The following TRIP4 variants were observed in gnomAD, a reference collection of about 807,000 sequenced individuals.
TRIP4 encodes thyroid hormone receptor interactor 4.
A neutral mutation model predicts 81.8 loss-of-function variants in TRIP4; 54 were observed. That is an observed-to-expected ratio of 0.66 (90% CI 0.53 to 0.83). The LOEUF is 0.83. TRIP4 is among the 40% of genes least tolerant of loss of function. The probability of loss-of-function intolerance (pLI) is 0.00; values close to 1 mark genes in which losing one functional copy is unlikely to be tolerated. For missense variants in TRIP4, 662 were observed against 683.6 expected, an observed-to-expected ratio of 0.97 and a Z score of 0.35; for synonymous variants, 270 against 242.8, an observed-to-expected ratio of 1.11 and a Z score of -1.04.
At chr15:64,409,978 T>A (rs1891724393) in intron 7 of TRIP4, 150 bp downstream of exon 7, 2 of 722,714 alleles carry the variant, frequency 2.8e-6, no homozygotes. Context: ...AGAAAAAATG[T>A]TTAAATGAGC....
In TRIP4 at chr15:64,414,148, T is replaced by C. The variant is rs1459725082; in HGVS notation, c.1107T>C (p.Asp369=). ...TGAACCAGCCACTGACCAAATTGGA[T>C]AGATCTTCTGAAGAGCCTTTGGGAG... ...GTLNQPLTKL[D]RSSEEPLGVL... The change falls in exon 8 of 13, where the codon GAT becomes GAC. Residue 369 remains aspartate, a synonymous_variant. Transcript: ENST00000261884. The C allele has an allele frequency of 5.0e-6, 8 of 1,614,054 alleles. No homozygotes were observed. In the South Asian group the frequency reaches 5.5e-5, roughly 11 times the overall value.
At chr15:64,395,910 TTC>T (rs1900278142) in intron 3 of TRIP4, among the ~76,000 whole-genome samples, 1 of 47,838 alleles carries the variant, frequency 2.1e-5, no homozygotes, top group Non-Finnish European at 8.4e-5. Flanking sequence ...CCAGCTAATT[TTC>T]TTTTTTTTTT....
Position 64,414,215 on chromosome 15 carries a change from A to G in TRIP4, c.1170+4A>G, listed in dbSNP as rs771411472. On this transcript the variant is annotated splice_donor_region_variant and intron_variant, in intron 8 of 12. Coordinates refer to ENST00000261884, the MANE Select transcript of TRIP4 (RefSeq NM_016213.5). ...CATGTACCAGTCCCCTCCCCAGGTT[A>G]GTGGACCTTTGCTCTAACTGTTAAT... 3.8e-5 allele frequency: 62 copies of G among 1,613,742 alleles called. No individual in the cohort carries two copies. Among genetic ancestry groups the G allele is most frequent in the Non-Finnish European group, 5.3e-5 (62 of 1,179,926 alleles).
At chr15:64,418,314 G>A (rs552925848) in intron 8 of TRIP4, among the ~76,000 whole-genome samples, 1 of 152,178 alleles carries the variant, frequency 6.6e-6, no homozygotes. Context: ...GTTTCACCAT[G>A]TTAGCCAGAC....
chr15:64,395,511 A>G lies in TRIP4; in HGVS notation c.385A>G (p.Thr129Ala), dbSNP rs765017482. Reference sequence around the variant, plus strand: ...ACCTGACACGACTGCAGAGGTTAAAACACCTTTTGATTTGGCCAAGGTGAG... The same window carrying G: ...ACCTGACACGACTGCAGAGGTTAAAGCACCTTTTGATTTGGCCAAGGTGAG... ...TEPDTTAEVK[T>A]PFDLAKAQEN... Residue 129 changes from threonine to alanine, a missense_variant, in exon 3 of 13, where the codon ACA (threonine) becomes GCA (alanine). Thr to Ala is a moderately conservative substitution (Grantham distance 58). Coordinates refer to ENST00000261884, the MANE Select transcript of TRIP4 (RefSeq NM_016213.5). 6.2e-7 allele frequency: 1 copy of G among 1,611,378 alleles called. No individual in the cohort carries two copies. The highest frequency in any genetic ancestry group is 1.1e-5 in the South Asian group (1 of 90,424).
At position 64,387,982 on chromosome 15, in the gene TRIP4, C is replaced by T. The variant is rs921047525; in HGVS notation, c.101+18C>T. On this transcript the variant is annotated intron_variant, in intron 1 of 12. Coordinates refer to ENST00000261884, the MANE Select transcript of TRIP4 (RefSeq NM_016213.5). ...ATCATTCAGTGAGAACAGTTCGGGT[C>T]CAAGCGGGGAAGGAGCTCTGGGATG... 13 of 1,542,830 alleles carry T rather than the reference C, an allele frequency of 8.4e-6. No homozygotes were observed. In the African/African-American group the frequency reaches 1.8e-4, roughly 21 times the overall value.
At chr15:64,414,734 G>A (rs1891856073) in intron 8 of TRIP4, among the ~76,000 whole-genome samples, 1 of 151,794 alleles carries the variant, frequency 6.6e-6, no homozygotes, top group Admixed American at 6.6e-5. Context: ...AGCCAGGATG[G>A]TCTAGATCTC....
At chr15:64,433,281 C>T (rs982384562) in intron 11 of TRIP4, among the ~76,000 whole-genome samples, 1 of 152,108 alleles carries the variant, frequency 6.6e-6, no homozygotes, top group Non-Finnish European at 1.5e-5. Context: ...ATGCTATTTT[C>T]TAATCCTTAT....
intron 12 of TRIP4, chr15:64,450,949 T>G (rs1213973841): frequency 4.3e-6 from 1 of 231,118 alleles, no homozygotes; most frequent in African/African-American, 2.2e-5. Context: ...ATGTCTTTTT[T>G]TCTTATGAAG....
intron 5 of TRIP4, among the ~76,000 whole-genome samples, chr15:64,401,382 A>G (rs1289773015): frequency 6.6e-6 from 1 of 151,766 alleles, no homozygotes; most frequent in African/African-American, 2.4e-5. Context: ...TGATCTGCCC[A>G]CCTTGGCCTC....
intron 11 of TRIP4, among the ~76,000 whole-genome samples, chr15:64,438,763 G>A (rs753367538): frequency 1.1e-4 from 17 of 152,164 alleles, no homozygotes; most frequent in Non-Finnish European, 1.6e-4. Context: ...ACTTGTTTGA[G>A]TTCTTTTATG....
chr15:64,391,488 A>G (rs972783357), intron 1 of TRIP4, among the ~76,000 whole-genome samples: 5 of 152,120 alleles, frequency 3.3e-5, no homozygotes, highest in African/African-American at 1.2e-4. Flanking sequence ...TTTATAAGAC[A>G]TAAATAGCTA....
At chr15:64,396,220 C>G (rs897583311) in intron 3 of TRIP4, among the ~76,000 whole-genome samples, 1 of 142,994 alleles carries the variant, frequency 7.0e-6, no homozygotes, top group Non-Finnish European at 1.5e-5. Flanking sequence ...TGTTTTTGAA[C>G]TTTAAATTAA....
chr15:64,455,089 C>T lies in TRIP4; in HGVS notation c.*25C>T, dbSNP rs1892856033. 2 of 1,607,042 alleles carry T rather than the reference C, an allele frequency of 1.2e-6. No homozygotes were observed. The highest frequency in any genetic ancestry group is 1.3e-5 in the African/African-American group (1 of 74,742). On this transcript the variant is annotated 3_prime_UTR_variant, in exon 13 of 13. Transcript: ENST00000261884. The stretch of plus-strand genomic sequence containing the variant: ...ACCCAGGAGAAAAGGAACTATACAG[C>T]ATAGTGGAGTTTTGTGTACTAAAAT...
intron 1 of TRIP4, chr15:64,393,652 C>T (rs886934610): frequency 5.8e-5 from 11 of 189,794 alleles, no homozygotes; most frequent in South Asian, 3.8e-4. Context: ...ATTTTAAAAA[C>T]GTATTTATTG....
intron 12 of TRIP4, among the ~76,000 whole-genome samples, chr15:64,453,630 TTA>T (rs994583830): frequency 6.6e-6 from 1 of 152,210 alleles, no homozygotes; most frequent in African/African-American, 2.4e-5. Flanking sequence ...AGCATTGTGA[TTA>T]TTGTTAAATG....
chr15:64,406,551 A>C (rs1891627606), intron 6 of TRIP4, 92 bp downstream of exon 6: 2 of 1,445,500 alleles, frequency 1.4e-6, no homozygotes, highest in Non-Finnish European at 1.8e-6. Context: ...CTCAAAGTGG[A>C]GTGTGAAAGA....
In TRIP4 at chr15:64,404,047, C is replaced by T. The variant is rs148178500; in HGVS notation, c.698-2283C>T. Among the ~76,000 whole-genome samples, 499 of 152,138 alleles carry T rather than the reference C, an allele frequency of 3.3e-3. 2 individuals carry two copies. Among genetic ancestry groups the T allele is most frequent in the Non-Finnish European group, 5.9e-3 (398 of 68,012 alleles). On this transcript the variant is annotated intron_variant, in intron 5 of 12. Coordinates refer to ENST00000261884, the MANE Select transcript of TRIP4 (RefSeq NM_016213.5). ...TCTCTACCAAAAACACAAAATTAGC[C>T]GTGCATGGTGGCACATGCCTGTAAT... is the stretch of plus-strand genomic sequence containing the variant.
At chr15:64,442,383 C>A (rs1892536458) in intron 11 of TRIP4, among the ~76,000 whole-genome samples, 2 of 152,084 alleles carry the variant, frequency 1.3e-5, no homozygotes, top group Admixed American at 1.3e-4. Context: ...TTTGGCTTTT[C>A]TTTGAGACAG....
Sources: allele counts gnomAD v4.1 joint callset (sites outside exome capture counted in the v4.1 genomes callset), GRCh38; gene constraint gnomAD v4.1.1; transcripts MANE v1.5; gene names NCBI Gene and HGNC (gene_info 2026-07-23, HGNC 2026-07-21).